PRKN: variants seen among roughly 807,000 people sequenced by gnomAD.
PRKN encodes the protein E3 ubiquitin-protein ligase parkin.
PRKN carries 56 observed loss-of-function variants against 59.5 expected under a neutral mutation model. The ratio of observed to expected loss-of-function variants is 0.94; its 90% confidence interval spans 0.76 to 1.18. The LOEUF is 1.18. Ranked by LOEUF, PRKN falls within the 50% of genes most tolerant of loss-of-function variation. The probability of loss-of-function intolerance (pLI) is 0.00; values close to 1 mark genes in which losing one functional copy is unlikely to be tolerated. For missense variants in PRKN, 657 were observed against 596.4 expected, an observed-to-expected ratio of 1.10 and a Z score of -1.06; for synonymous variants, 250 against 222.1, an observed-to-expected ratio of 1.13 and a Z score of -1.12.
intron 3 of PRKN, among the ~76,000 whole-genome samples, chr6:162,226,299 C>G (rs1475449225): frequency 6.6e-6 from 1 of 151,938 alleles, no homozygotes. Flanking sequence ...CACGCAGGCA[C>G]CAGAAAGGAG....
chr6:162,709,718 C>G (rs189150117), intron 1 of PRKN, among the ~76,000 whole-genome samples: 2 of 152,104 alleles, frequency 1.3e-5, no homozygotes, highest in Admixed American at 6.5e-5. Context: ...GTATGAGAAA[C>G]GATACACATA....
intron 3 of PRKN, among the ~76,000 whole-genome samples, chr6:162,213,801 CCATA>C (rs778052379): frequency 0.013 from 906 of 67,446 alleles, 6 homozygotes; most frequent in Admixed American, 0.02. Context: ...CAAAAAAAAA[CCATA>C]CACACACACA....
chr6:161,666,348 G>T (rs1784725719), intron 7 of PRKN, among the ~76,000 whole-genome samples: 1 of 152,206 alleles, frequency 6.6e-6, no homozygotes, highest in African/African-American at 2.4e-5. Flanking sequence ...AACTACACAT[G>T]CATGGGATGT....
chr6:162,382,155 A>G (rs1205947822), intron 2 of PRKN, among the ~76,000 whole-genome samples: 1 of 152,190 alleles, frequency 6.6e-6, no homozygotes, highest in African/African-American at 2.4e-5. Flanking sequence ...AAATAAGGTT[A>G]AATAGTACAA....
At chr6:162,692,358 T>C (rs558830072) in intron 1 of PRKN, among the ~76,000 whole-genome samples, 27 of 152,292 alleles carry the variant, frequency 1.8e-4, no homozygotes, top group African/African-American at 5.8e-4. Context: ...CTCTAAGTGC[T>C]TGGAGTATCC....
At chr6:162,343,697 G>A in intron 2 of PRKN, among the ~76,000 whole-genome samples, 1 of 152,040 alleles carries the variant, frequency 6.6e-6, no homozygotes, top group East Asian at 1.9e-4. Context: ...GAAGGGGTGT[G>A]TGTGTGTATG....
At chr6:162,570,997 T>C (rs1024617375) in intron 1 of PRKN, among the ~76,000 whole-genome samples, 6 of 152,196 alleles carry the variant, frequency 3.9e-5, no homozygotes, top group African/African-American at 7.2e-5. Flanking sequence ...CCATTTTCCA[T>C]GTTGTGATTA....
rs753479306 is a variant in PRKN at position 161,525,665 on chromosome 6, A to T, written c.1083+23189T>A. Among the ~76,000 whole-genome samples, 50 of 152,314 alleles carry T rather than the reference A, an allele frequency of 3.3e-4. No homozygotes were observed. The highest frequency in any genetic ancestry group is 7.1e-4 in the Non-Finnish European group (48 of 68,016). On this transcript the variant is annotated intron_variant, in intron 9 of 11. Transcript: ENST00000366898. The surrounding 1 kb of genome is among the most constrained non-coding windows in gnomAD (Gnocchi z 4.7). ...AACAGAGACAAGAGAACCTACCTGC[A>T]CTTAGTATCCCTGTACTTGGGATCT...
At chr6:161,783,648 T>C (rs780469239) in intron 7 of PRKN, 3 of 505,472 alleles carry the variant, frequency 5.9e-6, no homozygotes, top group Non-Finnish European at 1.2e-5. Flanking sequence ...TTTAGAAATG[T>C]TTCTATTGTT....
intron 7 of PRKN, among the ~76,000 whole-genome samples, chr6:161,585,480 T>G (rs1781489489): frequency 6.6e-6 from 1 of 152,128 alleles, no homozygotes; most frequent in African/African-American, 2.4e-5. Context: ...CAAAGAGAAA[T>G]TAAAACCCAA....
intron 7 of PRKN, among the ~76,000 whole-genome samples, chr6:161,682,490 C>T (rs559559314): frequency 5.3e-5 from 8 of 152,266 alleles, no homozygotes; most frequent in Non-Finnish European, 8.8e-5. Context: ...AGGAACAAGA[C>T]TACCCTGGGC....
At chr6:162,469,464 A>G (rs943695792) in intron 1 of PRKN, among the ~76,000 whole-genome samples, 1 of 151,490 alleles carries the variant, frequency 6.6e-6, no homozygotes, top group Non-Finnish European at 1.5e-5. Context: ...ATGCCCATCA[A>G]TCAATGAGTG....
At chr6:162,323,464 C>A in intron 2 of PRKN, among the ~76,000 whole-genome samples, 1 of 150,956 alleles carries the variant, frequency 6.6e-6, no homozygotes, top group East Asian at 1.9e-4. Flanking sequence ...TTTTAAAAAG[C>A]CAAATATTGA....
intron 6 of PRKN, among the ~76,000 whole-genome samples, chr6:161,808,766 T>C (rs1791440062): frequency 6.6e-6 from 1 of 152,126 alleles, no homozygotes; most frequent in Admixed American, 6.6e-5. Context: ...ATATGACAAA[T>C]GAAAAGTAAT....
In PRKN at chr6:161,961,281, G is replaced by A. The variant is rs923192887; in HGVS notation, c.734+12021C>T. On this transcript the variant is annotated intron_variant, in intron 6 of 11. Coordinates refer to ENST00000366898, the MANE Select transcript of PRKN (RefSeq NM_004562.3). ...TGTTCAAGTTTGACTTTGTGGTCACGGTCTGGTCATTTCCAGGGTAATATG... is the reference window on the plus strand; with the variant it reads ...TGTTCAAGTTTGACTTTGTGGTCACAGTCTGGTCATTTCCAGGGTAATATG... Among the ~76,000 whole-genome samples the A allele has an allele frequency of 2.0e-5, 3 of 152,104 alleles. No homozygotes were observed. In the East Asian group the frequency reaches 5.8e-4, roughly 29 times the overall value.
At chr6:161,874,113 AATATAAT>A (rs1425360906) in intron 6 of PRKN, among the ~76,000 whole-genome samples, 1 of 56,874 alleles carries the variant, frequency 1.8e-5, no homozygotes, top group Non-Finnish European at 3.0e-5. Flanking sequence ...TTATATGTAA[AATATAAT>A]ATATAATATA....
rs1197191870 is a variant in PRKN at position 161,470,392 on chromosome 6, G to A, written c.1083+78462C>T. 6.6e-6 allele frequency among the ~76,000 whole-genome samples: 1 copy of A among 152,124 alleles called. No individual in the cohort carries two copies. The highest frequency in any genetic ancestry group is 6.5e-5 in the Admixed American group (1 of 15,282). On this transcript the variant is annotated intron_variant, in intron 9 of 11. Coordinates refer to ENST00000366898, the MANE Select transcript of PRKN (RefSeq NM_004562.3). The surrounding 1 kb of genome is among the most constrained non-coding windows in gnomAD (Gnocchi z 5.1). ...AGCTGGGAGTGGTGGAAGACCTGAG[G>A]TTTTCCTCTAGGTAGAAGGAACTCC...
chr6:162,385,820 A>G (rs1786772188), intron 2 of PRKN, among the ~76,000 whole-genome samples: 1 of 152,126 alleles, frequency 6.6e-6, no homozygotes, highest in African/African-American at 2.4e-5. Context: ...ATTAATTTCA[A>G]TCTTTTAAAA....
rs183204800 is a variant in PRKN at position 162,275,469 on chromosome 6, A to T, written c.172-12704T>A. On this transcript the variant is annotated intron_variant, in intron 2 of 11. Transcript: ENST00000366898. Reference sequence around the variant, plus strand: ...TGACTCTAGCAATGAATAAAAATGCAATTTTTAAAAGCATTATTAAAAAAT... The same window carrying T: ...TGACTCTAGCAATGAATAAAAATGCTATTTTTAAAAGCATTATTAAAAAAT... 6.2e-4 allele frequency: 95 copies of T among 152,282 alleles called. 1 individual carries two copies. The highest frequency in any genetic ancestry group is 2.2e-3 in the African/African-American group (93 of 41,562). The allele number at this position is 152,282 out of a possible 1,614,324, so 9.4% of individuals were successfully genotyped here.
Sources: gnomAD v4.1 joint callset for allele counts (sites outside exome capture counted in the v4.1 genomes callset) on GRCh38, gnomAD v4.1.1 for gene constraint, Gnocchi (gnomAD v3.1) non-coding constraint, MANE v1.5 for transcripts, NCBI Gene and HGNC (gene_info 2026-07-23, HGNC 2026-07-21) for gene names.